LRP8: variants seen among roughly 807,000 people sequenced by gnomAD.
LRP8 encodes the protein LDL receptor related protein 8.
In LRP8, 46 loss-of-function variants were observed where a neutral mutation model predicts 111.6. The ratio of observed to expected loss-of-function variants is 0.41; its 90% CI spans 0.33 to 0.53. LRP8 has a LOEUF of 0.53. Among genes scored for constraint, LRP8 ranks in the 20% least tolerant of loss-of-function variants. The pLI, the probability that LRP8 is intolerant of heterozygous loss-of-function variation, is 0.20. For missense variants in LRP8, 959 were observed against 1,297.4 expected, an observed-to-expected ratio of 0.74 and a Z score of 4.01; for synonymous variants, 464 against 511.2, an observed-to-expected ratio of 0.91 and a Z score of 1.24.
In LRP8 at chr1:53,243,529, G is replaced by A. The variant is rs141524818; in HGVS notation, c.*3489C>T. The A allele has an allele frequency of 1.1e-4, 16 of 152,292 alleles. No homozygotes were observed. Among genetic ancestry groups the A allele is most frequent in the African/African-American group, 3.1e-4 (13 of 41,566 alleles). 9.4% of individuals were successfully genotyped at this position (152,292 alleles called of 1,614,324 possible). A position where few individuals can be genotyped will look rare whatever the true frequency, so the allele number is the denominator to read the frequency against. On this transcript the variant is annotated 3_prime_UTR_variant, in exon 19 of 19. Transcript: ENST00000306052. ...TTTTCCATGATGCATGTAGTGCCTT[G>A]TACACAATGATCAAGAAATGCTTCA...
At position 53,243,388 on chromosome 1, in the gene LRP8, T is replaced by TA. The variant is rs1176783699; in HGVS notation, c.*3629dup. 1.3e-5 allele frequency: 2 copies of TA among 152,186 alleles called. No individual in the cohort carries two copies. The highest frequency in any genetic ancestry group is 1.3e-4 in the Admixed American group (2 of 15,278). The allele number at this position is 152,186 out of a possible 1,614,324, so 9.4% of individuals were successfully genotyped here. A position where few individuals can be genotyped will look rare whatever the true frequency, so the allele number is the denominator to read the frequency against. ...CTTATATTAGTCTTCATTGACCATA[T>TA]AAAAAATCTTTGACTCAAATATATG... is the stretch of plus-strand genomic sequence containing the variant. On this transcript the variant is annotated 3_prime_UTR_variant, in exon 19 of 19. Coordinates refer to ENST00000306052, the MANE Select transcript of LRP8 (RefSeq NM_004631.5).
rs924616361 is a variant in LRP8, at chr1:53,246,859, G to T, written c.*159C>A. 1 of 616,222 alleles carries T rather than the reference G, an allele frequency of 1.6e-6. No homozygotes were observed. Among genetic ancestry groups the T allele is most frequent in the East Asian group, 3.3e-5 (1 of 30,712 alleles). 38.2% of individuals were successfully genotyped at this position (616,222 alleles called of 1,614,324 possible). A position where few individuals can be genotyped will look rare whatever the true frequency, so the allele number is the denominator to read the frequency against. On this transcript the variant is annotated 3_prime_UTR_variant, in exon 19 of 19. Coordinates refer to ENST00000306052, the MANE Select transcript of LRP8 (RefSeq NM_004631.5). ...GATGTTTGCAGTTCATCATAACTTT[G>T]TGGTTACCTTTCCGCAACATAAATT... is the stretch of plus-strand genomic sequence containing the variant.
chr1:53,246,376 C>T lies in LRP8; in HGVS notation c.*642G>A, dbSNP rs1239604999. 1 of 152,144 alleles carries T rather than the reference C, an allele frequency of 6.6e-6. No individual in the cohort carries two copies. Among genetic ancestry groups the T allele is most frequent in the Admixed American group, 6.6e-5 (1 of 15,266 alleles). 9.4% of individuals were successfully genotyped at this position (152,144 alleles called of 1,614,324 possible). On this transcript the variant is annotated 3_prime_UTR_variant, in exon 19 of 19. Transcript: ENST00000306052. ...TAGCCATAGATGTGCCTCTTCTCTA[C>T]AGATTTTTCTGTCACACACATACAC...
intron 3 of LRP8, among the ~76,000 whole-genome samples, chr1:53,284,676 A>T (rs1647297877): frequency 6.6e-6 from 1 of 152,246 alleles, no homozygotes; most frequent in African/African-American, 2.4e-5. Flanking sequence ...ATGATTAAAC[A>T]ATCTGTCTGC....
At chr1:53,311,374 G>A (rs866762739) in intron 2 of LRP8, among the ~76,000 whole-genome samples, 3 of 152,272 alleles carry the variant, frequency 2.0e-5, no homozygotes, top group Middle Eastern at 3.4e-3. Context: ...TCCCCTGGCA[G>A]TTCCTGGGGT....
chr1:53,262,111 G>A lies in LRP8; in HGVS notation c.1871C>T (p.Ser624Phe), dbSNP rs1486675162. ...AAAAGGGTGGCTCAGGAAGTCAGTG[G>A]AGGAGATCAGCGTCTTTCTGTTGCC... The part of the protein sequence containing the change: ...SGGNRKTLIS[S>F]TDFLSHPFGI... Residue 624 changes from serine to phenylalanine, a missense_variant, in exon 12 of 19, where the codon TCC becomes TTC. By Grantham distance (155) the Ser-to-Phe change is radical. This residue lies in a region of LRP8 where 819 missense variants were observed against 1,097.6 expected (regional missense o/e 0.75). Transcript: ENST00000306052. This position sits in a 1 kb window ranked among gnomAD's most constrained non-coding sequence, Gnocchi z 4.8. 6.2e-7 allele frequency: 1 copy of A among 1,614,036 alleles called. No homozygotes were observed. The highest frequency in any genetic ancestry group is 8.5e-7 in the Non-Finnish European group (1 of 1,180,034).
Position 53,243,697 on chromosome 1 carries a change from CTG to C in LRP8, c.*3319_*3320del, listed in dbSNP as rs1645680837. On this transcript the variant is annotated 3_prime_UTR_variant, in exon 19 of 19. Coordinates refer to ENST00000306052, the MANE Select transcript of LRP8 (RefSeq NM_004631.5). The stretch of plus-strand genomic sequence containing the variant: ...AAAGTCCCTGTGCTCTTTCATACCT[CTG>C]TGTTTTAGCTCGATGTGTCTCTGTC... The C allele has an allele frequency of 6.6e-6, 1 of 152,214 alleles. No individual in the cohort carries two copies. Among genetic ancestry groups the C allele is most frequent in the Admixed American group, 6.5e-5 (1 of 15,288 alleles). The allele number at this position is 152,214 out of a possible 1,614,324, so 9.4% of individuals were successfully genotyped here.
At chr1:53,288,089 T>C (rs1033336138) in intron 3 of LRP8, 1 of 152,220 alleles carries the variant, frequency 6.6e-6, no homozygotes, top group Non-Finnish European at 1.5e-5. Context: ...TCTGCCCCCA[T>C]TGTCGGAGTA....
intron 9 of LRP8, among the ~76,000 whole-genome samples, chr1:53,265,227 G>T (rs1471371811): frequency 6.6e-6 from 1 of 152,166 alleles, no homozygotes; most frequent in African/African-American, 2.4e-5. Context: ...TCTTCTTCTT[G>T]CCCTCTCTCT....
At chr1:53,318,240 CTTT>C (rs57335056) in intron 2 of LRP8, among the ~76,000 whole-genome samples, 1 of 143,960 alleles carries the variant, frequency 6.9e-6, no homozygotes. Context: ...TACTCTTCTG[CTTT>C]TTTTTTTTTT....
chr1:53,301,661 G>A (rs947336556), intron 2 of LRP8, among the ~76,000 whole-genome samples: 3 of 151,882 alleles, frequency 2.0e-5, no homozygotes, highest in Non-Finnish European at 4.4e-5. Flanking sequence ...AGCCCGGGAG[G>A]TTGAGGCTGC....
rs74949681 is a variant in LRP8 at position 53,308,245 on chromosome 1, C to T, written c.245-18556G>A. 9.0e-3 allele frequency among the ~76,000 whole-genome samples: 1,374 copies of T among 152,340 alleles called. 22 individuals carry two copies. Among genetic ancestry groups the T allele is most frequent in the African/African-American group, 0.032 (1,320 of 41,578 alleles). On this transcript the variant is annotated intron_variant, in intron 2 of 18. Coordinates refer to ENST00000306052, the MANE Select transcript of LRP8 (RefSeq NM_004631.5). Reference sequence around the variant, plus strand: ...CACTGTGGGAGGACAGCGCAGGGAACGGGATGTTCACAGAGCACAGAGCTA... The same window carrying T: ...CACTGTGGGAGGACAGCGCAGGGAATGGGATGTTCACAGAGCACAGAGCTA...
chr1:53,280,609 C>G lies in LRP8; in HGVS notation c.474G>C (p.Ala158=), dbSNP rs539938837. The change falls in exon 4 of 19, where the codon GCG becomes GCC. Residue 158 remains alanine (A), a synonymous_variant. Transcript: ENST00000306052. ...CDGEKDCEGG[A]DEAGCATLCA... ...CACAGGTAGCACAGCCGGCCTCATC[C>G]GCTCCACCCTCGCAGTCCTTCTCCC... 6.2e-7 allele frequency: 1 copy of G among 1,612,896 alleles called. No homozygotes were observed. Among genetic ancestry groups the G allele is most frequent in the Non-Finnish European group, 8.5e-7 (1 of 1,180,024 alleles).
In LRP8 at chr1:53,293,748, G is replaced by T. The variant is rs978337958; in HGVS notation, c.245-4059C>A. Among the ~76,000 whole-genome samples the T allele has an allele frequency of 5.9e-5, 9 of 152,168 alleles. No individual in the cohort carries two copies. Among genetic ancestry groups the T allele is most frequent in the African/African-American group, 2.2e-4 (9 of 41,440 alleles). On this transcript the variant is annotated intron_variant, in intron 2 of 18. Coordinates refer to ENST00000306052, the MANE Select transcript of LRP8 (RefSeq NM_004631.5). The surrounding 1 kb of genome is among the most constrained non-coding windows in gnomAD (Gnocchi z 4.9). ...CTCTGCTAATGGACAGCACTTTCAG[G>T]GTGGGGACTAGACTAAAGCACGCTG... is the stretch of plus-strand genomic sequence containing the variant.
At chr1:53,304,051 C>T (rs1200319185) in intron 2 of LRP8, among the ~76,000 whole-genome samples, 1 of 151,952 alleles carries the variant, frequency 6.6e-6, no homozygotes, top group Non-Finnish European at 1.5e-5. Context: ...TGATAGGTTT[C>T]GGTGGGAAAA....
At chr1:53,254,454 T>A (rs1039366413) in intron 16 of LRP8, among the ~76,000 whole-genome samples, 3 of 151,576 alleles carry the variant, frequency 2.0e-5, no homozygotes, top group Non-Finnish European at 4.4e-5. Flanking sequence ...CTCTTCCCCC[T>A]CCCCCAGCCC....
chr1:53,255,244 T>C, intron 15 of LRP8, 59 bp from the exon 16 acceptor site: 2 of 1,472,834 alleles, frequency 1.4e-6, no homozygotes, highest in South Asian at 2.3e-5. Flanking sequence ...AAGCCCCTAC[T>C]GGCCTCAAGT....
At chr1:53,302,702 T>TTC (rs1651168472) in intron 2 of LRP8, among the ~76,000 whole-genome samples, 2 of 151,548 alleles carry the variant, frequency 1.3e-5, no homozygotes, top group Admixed American at 1.3e-4. Context: ...AATGCCTTTT[T>TTC]TTTTTTTTTG....
chr1:53,257,559 G>T (rs548137693), intron 14 of LRP8, 95 bp from the exon 15 acceptor site: 2 of 925,070 alleles, frequency 2.2e-6, no homozygotes, highest in Non-Finnish European at 3.4e-6. Flanking sequence ...TCTTCATGGC[G>T]TAGCTCAAAT....
Sources: allele counts gnomAD v4.1 joint callset (sites outside exome capture counted in the v4.1 genomes callset), GRCh38; gene constraint gnomAD v4.1.1; regional missense constraint gnomAD v4.1.1; non-coding constraint Gnocchi (gnomAD v3.1); transcripts MANE v1.5; gene names NCBI Gene and HGNC (gene_info 2026-07-23, HGNC 2026-07-21).